Variants in MDM4 observed in about 807,000 individuals in gnomAD.
MDM4 encodes MDM4 regulator of p53, also known as protein Mdm4.
In MDM4, 2 loss-of-function variants were observed where a neutral mutation model predicts 60.2. The ratio of observed to expected loss-of-function variants is 0.03; its 90% confidence interval spans 0.01 to 0.10. The LOEUF (loss-of-function observed/expected upper bound fraction) is 0.10. Ranked by LOEUF, MDM4 falls within the 10% of genes least tolerant of loss-of-function variation. The pLI is 1.00. For missense variants in MDM4, 447 were observed against 577.5 expected (o/e 0.77, Z 2.32); for synonymous variants, 202 against 198.1 (o/e 1.02, Z -0.17).
chr1:204,528,874 C>A, intron 3 of MDM4: 1 of 1,588,252 alleles, frequency 6.3e-7, no homozygotes, highest in Non-Finnish European at 8.6e-7. Flanking sequence ...ATGGTGACGA[C>A]GTCCTTGAAG....
At chr1:204,533,210 G>C (rs376642110) in intron 5 of MDM4, among the ~76,000 whole-genome samples, 1 of 152,300 alleles carries the variant, frequency 6.6e-6, no homozygotes. Context: ...TCTCCAAAAT[G>C]GTGGTCTGTA....
At chr1:204,520,251 C>T (rs1442748437) in intron 1 of MDM4, among the ~76,000 whole-genome samples, 1 of 140,962 alleles carries the variant, frequency 7.1e-6, no homozygotes, top group Admixed American at 7.6e-5. Context: ...GCACTCCAGC[C>T]TGTGCGACAG....
In MDM4 at chr1:204,549,919, C is replaced by T. The variant is rs1663039546; in HGVS notation, c.*237C>T. On this transcript the variant is annotated 3_prime_UTR_variant, in exon 11 of 11. Coordinates refer to ENST00000367182, the MANE Select transcript of MDM4 (RefSeq NM_002393.5). ...GCAGTCAGGTACATAGTTAGGTGAACCCAAAAGAAAAACTCTTGAAAACAA... is the reference window on the plus strand; with the variant it reads ...GCAGTCAGGTACATAGTTAGGTGAATCCAAAAGAAAAACTCTTGAAAACAA... The T allele has an allele frequency of 5.5e-6, 2 of 362,004 alleles. No individual in the cohort carries two copies. Among genetic ancestry groups the T allele is most frequent in the South Asian group, 1.0e-4 (1 of 9,922 alleles). The allele number at this position is 362,004 out of a possible 1,614,324, so 22.4% of individuals were successfully genotyped here.
At position 204,532,250 on chromosome 1, in the gene MDM4, T is replaced by C. The variant is rs1183161635; in HGVS notation, c.343+4T>C. On this transcript the variant is annotated splice_donor_region_variant and intron_variant, in intron 5 of 10. Transcript: ENST00000367182. ...ACTTTAGCCACTGCTACTACAGGTATGTCACATCATATTTCTTCAGTCTGT... is the reference window on the plus strand; with the variant it reads ...ACTTTAGCCACTGCTACTACAGGTACGTCACATCATATTTCTTCAGTCTGT... 3.2e-6 allele frequency: 5 copies of C among 1,570,492 alleles called. No homozygotes were observed. The highest frequency in any genetic ancestry group is 4.4e-6 in the Non-Finnish European group (5 of 1,141,060).
At position 204,525,626 on chromosome 1, in the gene MDM4, TG is replaced by T. The variant is rs1165379482; in HGVS notation, c.78+32del. The stretch of plus-strand genomic sequence containing the variant: ...ATCATTTTCGGTATTTCTAGTTTTT[TG>T]GTTTTTTTTTTTTTTAATTTTTAAA... On this transcript the variant is annotated intron_variant, in intron 2 of 10. Transcript: ENST00000367182. 2.8e-6 allele frequency: 4 copies of T among 1,448,122 alleles called. No homozygotes were observed. The Admixed American group carries it at 6.2e-5, about 23-fold the overall frequency. The allele number at this position is 1,448,122 out of a possible 1,614,324, so 89.7% of individuals were successfully genotyped here. A position where few individuals can be genotyped will look rare whatever the true frequency, so the allele number is the denominator to read the frequency against.
intron 1 of MDM4, among the ~76,000 whole-genome samples, chr1:204,523,263 A>G (rs1572451643): frequency 6.7e-6 from 1 of 148,458 alleles, no homozygotes; most frequent in Admixed American, 6.7e-5. Context: ...AGGTCAGGAG[A>G]TCAAGACCAT....
At chr1:204,533,348 C>A (rs1479464816) in intron 5 of MDM4, among the ~76,000 whole-genome samples, 2 of 152,154 alleles carry the variant, frequency 1.3e-5, no homozygotes, top group African/African-American at 4.8e-5. Context: ...GAAGAAAGCC[C>A]AAGTTAGTAA....
In MDM4 at chr1:204,557,041, CT is replaced by C; in HGVS notation, c.*7363del. On this transcript the variant is annotated 3_prime_UTR_variant, in exon 11 of 11. Transcript: ENST00000367182. Reference sequence around the variant, plus strand: ...ATAAAAAGCAGTATACATACCTACCCTTTTCTACCTCATCATTTGTTGTAGG... The same window carrying C: ...ATAAAAAGCAGTATACATACCTACCCTTTCTACCTCATCATTTGTTGTAGG... 4.9e-6 allele frequency: 1 copy of C among 204,130 alleles called. No individual in the cohort carries two copies. Among genetic ancestry groups the C allele is most frequent in the Non-Finnish European group, 1.0e-5 (1 of 99,570 alleles). 12.6% of individuals were successfully genotyped at this position (204,130 alleles called of 1,614,324 possible). A position where few individuals can be genotyped will look rare whatever the true frequency, so the allele number is the denominator to read the frequency against.
Position 204,525,434 on chromosome 1 carries a change from G to A in MDM4, c.-35-50G>A, listed in dbSNP as rs1660028299. 13 of 1,518,332 alleles carry A rather than the reference G, an allele frequency of 8.6e-6. No homozygotes were observed. The East Asian group carries it at 3.1e-4, about 36-fold the overall frequency. The allele number at this position is 1,518,332 out of a possible 1,614,324, so 94.1% of individuals were successfully genotyped here. ...GTTGCCTTTGTGTGAATGCTAAATA[G>A]GGAATTTTCTGCATTAGAATAGATG... On this transcript the variant is annotated intron_variant, in intron 1 of 10. Coordinates refer to ENST00000367182, the MANE Select transcript of MDM4 (RefSeq NM_002393.5).
rs71568035 is a variant in MDM4 at position 204,527,129 on chromosome 1, T to TA, written c.153+712dup. On this transcript the variant is annotated intron_variant, in intron 3 of 10. Transcript: ENST00000367182. ...GGGCAACATGATGAAACCCTGTCTC[T>TA]AAAAAAAAAAAAAAAAATACAAAAA... Among the ~76,000 whole-genome samples, 568 of 142,058 alleles carry TA rather than the reference T, an allele frequency of 4.0e-3. 2 individuals are homozygous for TA. The highest frequency in any genetic ancestry group is 5.8e-3 in the Non-Finnish European group (380 of 65,484). 93.2% of individuals were successfully genotyped at this position (142,058 alleles called of 152,430 possible).
intron 3 of MDM4, chr1:204,529,054 A>T: frequency 6.7e-7 from 1 of 1,488,954 alleles, no homozygotes; most frequent in Non-Finnish European, 9.3e-7. Context: ...CTCAGGTTGT[A>T]GCCCATTTGG....
Position 204,549,222 on chromosome 1 carries a change from C to G in MDM4, c.1013C>G (p.Thr338Ser), listed in dbSNP as rs778492078. 2.5e-6 allele frequency: 4 copies of G among 1,613,862 alleles called. No individual in the cohort carries two copies. The highest frequency in any genetic ancestry group is 3.4e-6 in the Non-Finnish European group (4 of 1,179,750). The part of the protein sequence containing the change: ...KDWYSDCSKL[T>S]HSLSTSDITA... ...TGGTATTCAGATTGTTCAAAGTTAA[C>G]CCATTCTCTCTCCACGTCTGATATC... The change falls in exon 11 of 11, where the codon ACC (threonine) becomes AGC (serine). Residue 338 changes from threonine (T) to serine (S), a missense_variant. This residue lies in a region of MDM4 where 117 missense variants were observed against 114.5 expected (regional missense o/e 1.02). Coordinates refer to ENST00000367182, the MANE Select transcript of MDM4 (RefSeq NM_002393.5).
At chr1:204,519,346 A>G (rs1659318196) in intron 1 of MDM4, among the ~76,000 whole-genome samples, 1 of 152,156 alleles carries the variant, frequency 6.6e-6, no homozygotes, top group African/African-American at 2.4e-5. Flanking sequence ...TACTAAAAAT[A>G]TAAAGTTAAA....
At chr1:204,539,398 T>G (rs1661781660) in intron 7 of MDM4, among the ~76,000 whole-genome samples, 1 of 152,208 alleles carries the variant, frequency 6.6e-6, no homozygotes, top group Admixed American at 6.5e-5. Context: ...TTTGAAATGT[T>G]GAGCATTCTC....
intron 1 of MDM4, among the ~76,000 whole-genome samples, chr1:204,523,031 T>C (rs1174007034): frequency 6.6e-6 from 1 of 151,816 alleles, no homozygotes; most frequent in Non-Finnish European, 1.5e-5. Flanking sequence ...CTCGCCTAAT[T>C]TTTGGAGCTT....
At chr1:204,530,583 A>T in intron 3 of MDM4, 101 bp from the exon 4 acceptor site, 1 of 1,472,654 alleles carries the variant, frequency 6.8e-7, no homozygotes, top group Non-Finnish European at 9.3e-7. Context: ...TAAATATGTT[A>T]TTTCTTTCTT....
chr1:204,538,402 T>C (rs1237079129), intron 7 of MDM4, 94 bp downstream of exon 7: 5 of 706,160 alleles, frequency 7.1e-6, no homozygotes, highest in Non-Finnish European at 1.2e-5. Flanking sequence ...AGGAGAGGGA[T>C]ATGTCACAAT....
Position 204,527,161 on chromosome 1 carries a change from G to A in MDM4, c.153+727G>A, listed in dbSNP as rs549924065. Among the ~76,000 whole-genome samples the A allele has an allele frequency of 8.2e-4, 124 of 151,732 alleles. 2 individuals carry two copies. The highest frequency in any genetic ancestry group is 1.3e-3 in the Non-Finnish European group (87 of 67,934). ...AAAAAAAAAAATACAAAAATTGGGC[G>A]GGCATGGTGGTCTGCTCGTTTAGTC... On this transcript the variant is annotated intron_variant, in intron 3 of 10. Transcript: ENST00000367182.
chr1:204,519,686 C>T (rs984708669), intron 1 of MDM4, among the ~76,000 whole-genome samples: 3 of 151,956 alleles, frequency 2.0e-5, no homozygotes, highest in Admixed American at 1.3e-4. Context: ...AGGTGGTACA[C>T]GCCTGTAGTC....
Sources: gnomAD v4.1 joint callset for allele counts (sites outside exome capture counted in the v4.1 genomes callset) on GRCh38, gnomAD v4.1.1 for gene constraint, gnomAD v4.1.1 regional missense constraint, MANE v1.5 for transcripts, NCBI Gene and HGNC (gene_info 2026-07-23, HGNC 2026-07-21) for gene names.